Variants in ANO1 observed in about 807,000 individuals in gnomAD.
The protein encoded by ANO1 is anoctamin 1.
In ANO1, 59 loss-of-function variants were observed where a neutral mutation model predicts 124.0. The observed-to-expected ratio is 0.48, with a 90% confidence interval of 0.39 to 0.59. The LOEUF (loss-of-function observed/expected upper bound fraction) is 0.59. Among genes scored for constraint, ANO1 ranks in the 20% least tolerant of loss-of-function variants. ANO1 has a pLI of 0.00. For synonymous variants in ANO1, 529 were observed against 532.0 expected (o/e 0.99, Z 0.08); for missense variants, 1,059 against 1,328.0 (o/e 0.80, Z 3.15).
chr11:70,063,801 C>G (rs764050032), intron 1 of ANO1: 1 of 152,322 alleles, frequency 6.6e-6, no homozygotes, highest in East Asian at 1.9e-4. Flanking sequence ...CATTCCTGCC[C>G]TCTTCCCAGA....
At chr11:70,159,057 T>C (rs1384378939) in intron 16 of ANO1, among the ~76,000 whole-genome samples, 1 of 152,030 alleles carries the variant, frequency 6.6e-6, no homozygotes, top group African/African-American at 2.4e-5. Flanking sequence ...GAAGGGCCAG[T>C]GCGGGGCCGG....
chr11:70,007,423 C>T (rs4980725), intron 1 of ANO1, among the ~76,000 whole-genome samples: 1 of 151,694 alleles, frequency 6.6e-6, no homozygotes, highest in Non-Finnish European at 1.5e-5. Context: ...ACTACAAGTG[C>T]CTGCCACCAC....
At chr11:70,144,527 G>A (rs1379555869) in intron 11 of ANO1, among the ~76,000 whole-genome samples, 21 of 152,220 alleles carry the variant, frequency 1.4e-4, no homozygotes, top group African/African-American at 9.6e-5. Context: ...AGAGTCTTTC[G>A]CTCAACTGCT....
At chr11:70,151,839 G>T (rs2047614071) in intron 12 of ANO1, among the ~76,000 whole-genome samples, 1 of 152,148 alleles carries the variant, frequency 6.6e-6, no homozygotes, top group Admixed American at 6.6e-5. Context: ...TGACCCATGT[G>T]TGCCTTAGCT....
intron 19 of ANO1, among the ~76,000 whole-genome samples, chr11:70,164,399 G>C (rs780848324): frequency 2.7e-4 from 41 of 152,188 alleles, no homozygotes; most frequent in Non-Finnish European, 5.4e-4. Flanking sequence ...CCCAAGACAC[G>C]GGCCTCCTCC....
chr11:70,140,837 G>A (rs1170236419), intron 11 of ANO1, among the ~76,000 whole-genome samples: 1 of 152,200 alleles, frequency 6.6e-6, no homozygotes, highest in Non-Finnish European at 1.5e-5. Context: ...GTCTGGGTCT[G>A]CTTAGTAAAC....
chr11:70,108,571 G>A (rs1018386547), intron 6 of ANO1, among the ~76,000 whole-genome samples, 167 bp downstream of exon 6: 6 of 152,140 alleles, frequency 3.9e-5, no homozygotes, highest in Admixed American at 2.6e-4. Flanking sequence ...GAGCGTGCAG[G>A]GCAGTTTTAT....
intron 1 of ANO1, among the ~76,000 whole-genome samples, chr11:70,067,596 G>A (rs1857763429): frequency 6.6e-6 from 1 of 152,190 alleles, no homozygotes; most frequent in Non-Finnish European, 1.5e-5. Context: ...CCAAAGAGTT[G>A]GGATTACAGG....
At chr11:70,170,748 C>T (rs1200282845) in intron 21 of ANO1, 139 bp from the exon 22 acceptor site, 2 of 1,014,828 alleles carry the variant, frequency 2.0e-6, no homozygotes, top group African/African-American at 3.3e-5. Flanking sequence ...AATGCATCTG[C>T]AGGTGGGGTC....
Position 70,177,604 on chromosome 11 carries a change from T to TC in ANO1, c.2351-2400_2351-2399insC, listed in dbSNP as rs1328087410. On this transcript the variant is annotated intron_variant, in intron 22 of 25. Coordinates refer to ENST00000355303, the MANE Select transcript of ANO1 (RefSeq NM_018043.7). ...TTTTCTTTTTTTTTTCTTTTTTTTT[T>TC]TTTTTTTTTTTTTGAGACAGAGCCT... Among the ~76,000 whole-genome samples the TC allele has an allele frequency of 2.7e-4, 37 of 137,630 alleles. No homozygotes were observed. In the East Asian group the frequency reaches 7.4e-3, roughly 28 times the overall value. 90.3% of individuals were successfully genotyped at this position (137,630 alleles called of 152,430 possible).
rs935514853 is a variant in ANO1 at position 70,137,573 on chromosome 11, G to A, written c.1258+5494G>A. 4.1e-5 allele frequency among the ~76,000 whole-genome samples: 6 copies of A among 145,874 alleles called. 2 individuals carry two copies. In the Admixed American group the frequency reaches 4.4e-4, roughly 11 times the overall value. ...CCTCCTGGTGCCCCAGCTCCAGGCT[G>A]GGAAGATCCACCCAGCGGGGCCCGG... On this transcript the variant is annotated intron_variant, in intron 11 of 25. Coordinates refer to ENST00000355303, the MANE Select transcript of ANO1 (RefSeq NM_018043.7).
Position 70,087,986 on chromosome 11 carries a change from C to A in ANO1, c.343C>A (p.Pro115Thr), listed in dbSNP as rs1254645790. ...GASLDAGSGE[P>T]PMDYHEDDKR... ...GTCGCTGGATGCAGGCTCGGGGGAG[C>A]CCCCGATGGACTACCACGAGGATGA... The change falls in exon 2 of 26, where the codon CCC becomes ACC. Residue 115 changes from proline to threonine, a missense_variant. Pro to Thr is a conservative substitution (Grantham distance 38). Around this residue, in one of 2 missense-constraint regions of ANO1, gnomAD observed 250 missense variants for 233.1 expected, o/e 1.07. Transcript: ENST00000355303. 4 of 1,569,392 alleles carry A rather than the reference C, an allele frequency of 2.5e-6. No homozygotes were observed. Among genetic ancestry groups the A allele is most frequent in the East Asian group, 4.6e-5 (2 of 43,116 alleles).
chr11:70,075,261 G>C (rs2044043626), upstream of ANO1: 1 of 152,132 alleles, frequency 6.6e-6, no homozygotes, highest in Non-Finnish European at 1.5e-5. Flanking sequence ...GGGCTCCCCT[G>C]TGCTGCCTCC....
At chr11:70,153,261 C>A (rs975438946) in intron 14 of ANO1, 133 bp downstream of exon 14, 1 of 793,574 alleles carries the variant, frequency 1.3e-6, no homozygotes, top group African/African-American at 1.7e-5. Flanking sequence ...TCAACTCTGC[C>A]ATGGTAGCGG....
intron 5 of ANO1, among the ~76,000 whole-genome samples, chr11:70,107,352 A>G (rs1418209432): frequency 6.6e-6 from 1 of 152,096 alleles, no homozygotes; most frequent in East Asian, 1.9e-4. Context: ...CCCTGGACCT[A>G]TTCCAATCTG....
intron 8 of ANO1, among the ~76,000 whole-genome samples, chr11:70,121,782 ATC>A (rs1437442830): frequency 3.1e-5 from 1 of 31,818 alleles, no homozygotes; most frequent in African/African-American, 1.4e-4. Flanking sequence ...CTGTCTCTCT[ATC>A]TCTGTCTCTC....
intron 1 of ANO1, among the ~76,000 whole-genome samples, chr11:70,060,356 T>C (rs112356941): frequency 0.04 from 6,119 of 152,210 alleles, 128 homozygotes; most frequent in Non-Finnish European, 0.049. Context: ...TGAAAATTGA[T>C]TGGGTTTAGA....
At chr11:70,048,992 G>C (rs141455229) in intron 1 of ANO1, among the ~76,000 whole-genome samples, 4 of 152,168 alleles carry the variant, frequency 2.6e-5, no homozygotes, top group Admixed American at 6.5e-5. Context: ...TACGCTTCCC[G>C]GACAAGCAGG....
chr11:70,085,747 C>T lies in ANO1; in HGVS notation c.109-2005C>T, dbSNP rs1007678668. The T allele has an allele frequency of 1.8e-5, 26 of 1,408,234 alleles. No homozygotes were observed. In the African/African-American group the frequency reaches 3.5e-4, roughly 19 times the overall value. The allele number at this position is 1,408,234 out of a possible 1,614,324, so 87.2% of individuals were successfully genotyped here. A position where few individuals can be genotyped will look rare whatever the true frequency, so the allele number is the denominator to read the frequency against. ...CCCTACAACTAAAAAGGACAGCCTC[C>T]ACTCGAGGCCTTCCCTCCCCCTCTC... On this transcript the variant is annotated intron_variant, in intron 1 of 25. Coordinates refer to ENST00000355303, the MANE Select transcript of ANO1 (RefSeq NM_018043.7).
Sources: gnomAD v4.1 joint callset for allele counts (sites outside exome capture counted in the v4.1 genomes callset) on GRCh38, gnomAD v4.1.1 for gene constraint, gnomAD v4.1.1 regional missense constraint, MANE v1.5 for transcripts, NCBI Gene and HGNC (gene_info 2026-07-23, HGNC 2026-07-21) for gene names.